Variants in ERC2 observed in about 807,000 individuals in gnomAD.
The protein encoded by ERC2 is ELKS/RAB6-interacting/CAST family member 2, also known as ERC protein 2.
A neutral mutation model predicts 114.8 loss-of-function variants in ERC2; 42 were observed. That is an observed-to-expected ratio of 0.37 (90% confidence interval 0.29 to 0.47). The LOEUF is 0.47. Among genes scored for constraint, ERC2 ranks in the 20% least tolerant of loss-of-function variants. ERC2 has a pLI of 0.99. For synonymous variants in ERC2, 454 were observed against 425.5 expected, an observed-to-expected ratio of 1.07 and a Z score of -0.82; for missense variants, 939 against 1,150.7, an observed-to-expected ratio of 0.82 and a Z score of 2.66.
chr3:55,640,638 G>T (rs929460629), intron 17 of ERC2, among the ~76,000 whole-genome samples: 3 of 152,148 alleles, frequency 2.0e-5, no homozygotes, highest in African/African-American at 7.2e-5. Context: ...GCATGAGGAA[G>T]GTAAAGAACA....
intron 14 of ERC2, among the ~76,000 whole-genome samples, chr3:55,821,421 C>A (rs1400156936): frequency 6.6e-5 from 10 of 152,168 alleles, no homozygotes; most frequent in African/African-American, 2.4e-4. Context: ...GGGCTGAGTG[C>A]TACTAAGACA....
chr3:56,207,245 C>CAAGGGATTA (rs2048793127), intron 3 of ERC2, among the ~76,000 whole-genome samples: 1 of 151,848 alleles, frequency 6.6e-6, no homozygotes. Context: ...TTTTTAATAA[C>CAAGGGATTA]CTTTTCCCTA....
chr3:56,058,643 A>G (rs2076114659), intron 7 of ERC2, among the ~76,000 whole-genome samples: 1 of 152,166 alleles, frequency 6.6e-6, no homozygotes, highest in Non-Finnish European at 1.5e-5. Context: ...AATCAAAACA[A>G]ATGGCTGACC....
intron 7 of ERC2, among the ~76,000 whole-genome samples, chr3:56,032,939 GAAAGAAAGAAAGAAAGAAACAGAAAGAA>G (rs2074495614): frequency 1.1e-5 from 1 of 87,520 alleles, no homozygotes; most frequent in Non-Finnish European, 2.4e-5. Flanking sequence ...AAGAAAGAAA[GAAAGAAAGAAAGAAAGAAACAGAAAGAA>G]AGAAAGAAAG....
intron 4 of ERC2, among the ~76,000 whole-genome samples, chr3:56,167,742 A>C (rs2150007831): frequency 6.6e-6 from 1 of 152,290 alleles, no homozygotes; most frequent in African/African-American, 2.4e-5. Context: ...GTCCTTTACA[A>C]GTTTGAACAA....
intron 17 of ERC2, among the ~76,000 whole-genome samples, chr3:55,607,257 G>A (rs1465934677): frequency 6.6e-6 from 1 of 152,162 alleles, no homozygotes; most frequent in Non-Finnish European, 1.5e-5. Context: ...GGGTGCCATG[G>A]AGCACAAAGC....
chr3:55,799,199 A>G (rs1248121150), intron 14 of ERC2, among the ~76,000 whole-genome samples: 1 of 151,942 alleles, frequency 6.6e-6, no homozygotes, highest in Non-Finnish European at 1.5e-5. Context: ...GCAAAGGCCA[A>G]TGCTGAGTTC....
At chr3:56,285,034 C>CACAT (rs1553908927) in intron 3 of ERC2, among the ~76,000 whole-genome samples, 1 of 30,208 alleles carries the variant, frequency 3.3e-5, no homozygotes, top group African/African-American at 1.1e-4. Flanking sequence ...CACACACATA[C>CACAT]ACACACACAC....
At chr3:56,013,035 T>C (rs2073060389) in intron 8 of ERC2, among the ~76,000 whole-genome samples, 1 of 152,198 alleles carries the variant, frequency 6.6e-6, no homozygotes, top group Non-Finnish European at 1.5e-5. Context: ...ATCTGCTATG[T>C]GGCTACAGCA....
At chr3:55,776,693 G>A (rs2068648688) in intron 14 of ERC2, among the ~76,000 whole-genome samples, 1 of 152,172 alleles carries the variant, frequency 6.6e-6, no homozygotes, top group South Asian at 2.1e-4. Context: ...GGGAGCTGGA[G>A]CTGGTGGCCT....
chr3:55,847,717 T>C (rs1197397846), intron 14 of ERC2, among the ~76,000 whole-genome samples: 1 of 147,040 alleles, frequency 6.8e-6, no homozygotes, highest in Non-Finnish European at 1.5e-5. Flanking sequence ...AAGTTTCAAT[T>C]ATTAAAATGT....
intron 13 of ERC2, among the ~76,000 whole-genome samples, chr3:55,904,508 G>A (rs1345042136): frequency 6.6e-6 from 1 of 152,162 alleles, no homozygotes; most frequent in Non-Finnish European, 1.5e-5. Context: ...CATCAAAATT[G>A]TTTCTTCCCT....
At chr3:56,366,667 C>T (rs1212588349) in intron 2 of ERC2, among the ~76,000 whole-genome samples, 1 of 152,166 alleles carries the variant, frequency 6.6e-6, no homozygotes, top group Non-Finnish European at 1.5e-5. Flanking sequence ...TGTTTGCTCC[C>T]TTTTGTCCTT....
At chr3:55,758,885 T>C (rs1415999666) in intron 14 of ERC2, among the ~76,000 whole-genome samples, 1 of 152,186 alleles carries the variant, frequency 6.6e-6, no homozygotes, top group Non-Finnish European at 1.5e-5. Flanking sequence ...CTTAAGCATA[T>C]TAAAAGAGAG....
intron 12 of ERC2, among the ~76,000 whole-genome samples, chr3:55,970,739 C>T (rs13073082): frequency 0.31 from 47,825 of 151,950 alleles, 7,702 homozygotes; most frequent in Admixed American, 0.36. Context: ...TTATTGCTAG[C>T]GGGAATGTAA....
At chr3:55,959,759 GA>G (rs1214987430) in intron 12 of ERC2, among the ~76,000 whole-genome samples, 2 of 152,182 alleles carry the variant, frequency 1.3e-5, no homozygotes, top group East Asian at 3.9e-4. Context: ...GTGGCCCTGG[GA>G]TGGTTATTTT....
chr3:55,701,584 A>C (rs574630746), intron 15 of ERC2, among the ~76,000 whole-genome samples: 1 of 152,326 alleles, frequency 6.6e-6, no homozygotes, highest in South Asian at 2.1e-4. Context: ...AACAATAAAA[A>C]TAGAGGGAAA....
chr3:56,466,444 A>G (rs2063547924), intron 1 of ERC2, among the ~76,000 whole-genome samples: 1 of 152,202 alleles, frequency 6.6e-6, no homozygotes, highest in South Asian at 2.1e-4. Context: ...TCCACCCGTG[A>G]AAGTCTTGCT....
chr3:56,219,412 A>G (rs2049743294), intron 3 of ERC2, among the ~76,000 whole-genome samples: 1 of 152,154 alleles, frequency 6.6e-6, no homozygotes, highest in Admixed American at 6.5e-5. Flanking sequence ...TTAAACAGAC[A>G]TCTGGGGAAT....
Sources: gnomAD v4.1 joint callset for allele counts (sites outside exome capture counted in the v4.1 genomes callset) on GRCh38, gnomAD v4.1.1 for gene constraint, MANE v1.5 for transcripts, NCBI Gene and HGNC (gene_info 2026-07-23, HGNC 2026-07-21) for gene names.